The following KLRD1 variants were observed in gnomAD, a reference collection of about 807,000 sequenced individuals.
KLRD1 encodes the protein natural killer cells antigen CD94.
Under a neutral mutation model 22.6 loss-of-function variants are expected in KLRD1, and 21 were observed. The ratio of observed to expected loss-of-function variants is 0.93; its 90% CI spans 0.66 to 1.34. The LOEUF (loss-of-function observed/expected upper bound fraction) is 1.34, where lower values mean the gene tolerates loss of function less well. KLRD1 is among the 40% of genes most tolerant of loss of function. The probability of loss-of-function intolerance (pLI) is 0.00; values close to 1 mark genes in which losing one functional copy is unlikely to be tolerated. For missense variants in KLRD1, 183 were observed against 208.6 expected, an observed-to-expected ratio of 0.88 and a Z score of 0.76; for synonymous variants, 59 against 71.1, an observed-to-expected ratio of 0.83 and a Z score of 0.85.
chr12:10,310,831 C>G (rs1182119194), intron 3 of KLRD1, among the ~76,000 whole-genome samples: 4 of 152,154 alleles, frequency 2.6e-5, no homozygotes, highest in African/African-American at 2.4e-5. Flanking sequence ...ATCTTCAGCA[C>G]TACTTATATG....
At chr12:10,245,323 A>T (rs1445466811) in intron 1 of KLRD1, among the ~76,000 whole-genome samples, 1 of 152,164 alleles carries the variant, frequency 6.6e-6, no homozygotes, top group Non-Finnish European at 1.5e-5. Context: ...GCGCCACTGC[A>T]CTCCAGCCTG....
chr12:10,239,461 C>CCTTCCTTCCTT (rs1949215852), intron 1 of KLRD1, among the ~76,000 whole-genome samples: 1 of 35,632 alleles, frequency 2.8e-5, no homozygotes, highest in African/African-American at 9.4e-5. Context: ...TTCCTTCCTT[C>CCTTCCTTCCTT]CTTCCTTCCT....
At chr12:10,248,010 C>A (rs540258138) in intron 1 of KLRD1, among the ~76,000 whole-genome samples, 1 of 152,110 alleles carries the variant, frequency 6.6e-6, no homozygotes, top group African/African-American at 2.4e-5. Context: ...AATTAGCATG[C>A]CTCTCAAAAT....
upstream of KLRD1, among the ~76,000 whole-genome samples, chr12:10,301,829 G>A (rs1949868929): frequency 6.6e-6 from 1 of 152,184 alleles, no homozygotes; most frequent in Non-Finnish European, 1.5e-5. Flanking sequence ...TTGATTTAAA[G>A]TGAGAGACAT....
intron 1 of KLRD1, among the ~76,000 whole-genome samples, chr12:10,296,118 A>G (rs1220476620): frequency 6.6e-6 from 1 of 152,322 alleles, no homozygotes; most frequent in African/African-American, 2.4e-5. Flanking sequence ...ACCTTGCCAC[A>G]GCTGCACTTA....
At chr12:10,303,759 A>T (rs776343711), upstream of KLRD1, among the ~76,000 whole-genome samples, 4 of 152,210 alleles carry the variant, frequency 2.6e-5, no homozygotes, top group Non-Finnish European at 5.9e-5. Flanking sequence ...ATCCCCAAAT[A>T]GCCCCTGCAT....
upstream of KLRD1, among the ~76,000 whole-genome samples, chr12:10,305,156 A>T (rs1949903665): frequency 6.6e-6 from 1 of 152,186 alleles, no homozygotes; most frequent in Admixed American, 6.5e-5. Context: ...TTAAAAGTTG[A>T]CTTAGCTATT....
chr12:10,248,075 G>A (rs905176310), intron 1 of KLRD1, among the ~76,000 whole-genome samples: 8 of 152,126 alleles, frequency 5.3e-5, no homozygotes, highest in Non-Finnish European at 7.3e-5. Context: ...GTGCACATGC[G>A]TGACCTTGAT....
At chr12:10,248,211 T>C (rs543487295) in intron 1 of KLRD1, among the ~76,000 whole-genome samples, 2 of 152,162 alleles carry the variant, frequency 1.3e-5, no homozygotes, top group African/African-American at 4.8e-5. Flanking sequence ...CCTGTTTTTT[T>C]CCCCACAATT....
intron 1 of KLRD1, among the ~76,000 whole-genome samples, chr12:10,252,363 G>C (rs1949353656): frequency 6.6e-6 from 1 of 152,220 alleles, no homozygotes; most frequent in South Asian, 2.1e-4. Flanking sequence ...ACTTAGCTGG[G>C]CGTGGCGATG....
At chr12:10,312,100 T>C (rs1448822330) in intron 4 of KLRD1, among the ~76,000 whole-genome samples, 1 of 148,390 alleles carries the variant, frequency 6.7e-6, no homozygotes, top group Admixed American at 6.8e-5. Flanking sequence ...TTGCCCAGGC[T>C]GGAGTGCACT....
At chr12:10,239,605 CTCTT>C (rs1475789228) in intron 1 of KLRD1, among the ~76,000 whole-genome samples, 6 of 125,306 alleles carry the variant, frequency 4.8e-5, no homozygotes, top group Non-Finnish European at 8.5e-5. Flanking sequence ...TTCTTTCTCT[CTCTT>C]TCTTTCTTCT....
intron 1 of KLRD1, among the ~76,000 whole-genome samples, chr12:10,296,198 A>T (rs1412674295): frequency 6.6e-6 from 1 of 152,164 alleles, no homozygotes; most frequent in Non-Finnish European, 1.5e-5. Flanking sequence ...ATGAAATGAG[A>T]TATCATGAGG....
At chr12:10,297,107 C>A (rs942896860) in intron 1 of KLRD1, among the ~76,000 whole-genome samples, 2 of 152,196 alleles carry the variant, frequency 1.3e-5, no homozygotes, top group Non-Finnish European at 2.9e-5. Flanking sequence ...CAGCACAATT[C>A]ATCTTCACCC....
At chr12:10,295,757 C>A (rs1025413785) in intron 1 of KLRD1, among the ~76,000 whole-genome samples, 1 of 151,916 alleles carries the variant, frequency 6.6e-6, no homozygotes, top group African/African-American at 2.4e-5. Context: ...AATATAGACA[C>A]CCATTTTTCT....
intron 1 of KLRD1, among the ~76,000 whole-genome samples, chr12:10,270,193 C>A (rs1273492456): frequency 6.6e-6 from 1 of 152,080 alleles, no homozygotes; most frequent in Non-Finnish European, 1.5e-5. Context: ...GGGCCTATGC[C>A]ATTGCTGATA....
At position 10,254,068 on chromosome 12, in the gene KLRD1, G is replaced by A. The variant is rs7294504; in HGVS notation, c.-101+27835G>A. ...CGTGACAAAGACACCAAAAGCAATCGCAACAAAAGCAAAAATTGACAAGTG... is the reference window on the plus strand; with the variant it reads ...CGTGACAAAGACACCAAAAGCAATCACAACAAAAGCAAAAATTGACAAGTG... On this transcript the variant is annotated intron_variant, in intron 1 of 5. Coordinates refer to the KLRD1 transcript ENST00000544747. 4.7e-3 allele frequency among the ~76,000 whole-genome samples: 718 copies of A among 152,152 alleles called. 10 individuals carry two copies. The highest frequency in any genetic ancestry group is 0.016 in the African/African-American group (673 of 41,490).
At chr12:10,314,011 C>G (rs1950162066) in intron 5 of KLRD1, among the ~76,000 whole-genome samples, 1 of 151,968 alleles carries the variant, frequency 6.6e-6, no homozygotes, top group African/African-American at 2.4e-5. Context: ...TGAAGAGGGC[C>G]AGGGATGGTG....
chr12:10,281,769 C>T (rs972029278), intron 1 of KLRD1, among the ~76,000 whole-genome samples: 8 of 152,102 alleles, frequency 5.3e-5, no homozygotes, highest in South Asian at 4.2e-4. Flanking sequence ...GACACATTCC[C>T]GTGACTGAAC....
Sources: gnomAD v4.1 joint callset for allele counts (sites outside exome capture counted in the v4.1 genomes callset) on GRCh38, gnomAD v4.1.1 for gene constraint, MANE v1.5 for transcripts, NCBI Gene and HGNC (gene_info 2026-07-23, HGNC 2026-07-21) for gene names.